DMD: variants seen among roughly 807,000 people sequenced by gnomAD.
The protein encoded by DMD is dystrophin.
A neutral mutation model predicts 330.1 loss-of-function variants in DMD; 63 were observed. The ratio of observed to expected loss-of-function variants is 0.19; its 90% CI spans 0.16 to 0.24. The LOEUF is 0.24. Ranked by LOEUF, DMD falls within the 10% of genes least tolerant of loss-of-function variation. DMD has a pLI of 1.00. For missense variants in DMD, 3,344 were observed against 2,684.1 expected (o/e 1.25, Z -5.43); for synonymous variants, 1,223 against 959.8 (o/e 1.27, Z -5.07).
At chrX:32,035,993 A>G (rs1388475435) in intron 44 of DMD, among the ~76,000 whole-genome samples, 1 of 111,880 alleles carries the variant, frequency 8.9e-6, no homozygotes, top group African/African-American at 3.2e-5. Context: ...ACTTAAGTCC[A>G]TCTGGGAAGG....
At chrX:32,562,002 G>A (rs994961220) in intron 16 of DMD, among the ~76,000 whole-genome samples, 11 of 111,584 alleles carry the variant, frequency 9.9e-5, no homozygotes, top group Admixed American at 2.9e-4. Flanking sequence ...GATGGAATTC[G>A]TCACTATCGT....
intron 11 of DMD, among the ~76,000 whole-genome samples, chrX:32,628,860 C>T (rs1189065436): frequency 9.0e-6 from 1 of 111,712 alleles, no homozygotes; most frequent in Non-Finnish European, 1.9e-5. Flanking sequence ...TTGATATATT[C>T]AGTTGTGATC....
At chrX:32,916,427 A>C (rs1331521647) in intron 2 of DMD, among the ~76,000 whole-genome samples, 1 of 112,061 alleles carries the variant, frequency 8.9e-6, no homozygotes, top group Non-Finnish European at 1.9e-5. Context: ...TCCAGAAAAG[A>C]ATGAAAATAT....
chrX:31,617,059 A>G (rs967302338), intron 55 of DMD, among the ~76,000 whole-genome samples: 2 of 112,130 alleles, frequency 1.8e-5, no homozygotes, highest in African/African-American at 3.2e-5. Context: ...GAAATGTCCT[A>G]CATACAGTAA....
intron 63 of DMD, among the ~76,000 whole-genome samples, chrX:31,230,559 T>C (rs1603038881): frequency 9.1e-6 from 1 of 109,447 alleles, no homozygotes; most frequent in Non-Finnish European, 1.9e-5. Context: ...TGAAGCAGGA[T>C]AATTGCTTGA....
At chrX:32,497,259 T>A (rs2043587516) in intron 19 of DMD, among the ~76,000 whole-genome samples, 1 of 112,477 alleles carries the variant, frequency 8.9e-6, no homozygotes, top group South Asian at 3.7e-4. Context: ...TTCTGTGCCA[T>A]TTAATTACAA....
chrX:32,363,810 G>C lies in DMD; in HGVS notation c.5154+772C>G, dbSNP rs1162714211. Reference sequence around the variant, plus strand: ...ATAATTTTTGAGTTTTCTTTAAATAGTAAACAACTAATCAATAAATTTATC... The same window carrying C: ...ATAATTTTTGAGTTTTCTTTAAATACTAAACAACTAATCAATAAATTTATC... On this transcript the variant is annotated intron_variant, in intron 36 of 78. Coordinates refer to ENST00000357033, the MANE Select transcript of DMD (RefSeq NM_004006.3). Among the ~76,000 whole-genome samples, 4 of 111,849 alleles carry C rather than the reference G, an allele frequency of 3.6e-5. No individual in the cohort carries two copies. The Admixed American group carries it at 3.8e-4, about 11-fold the overall frequency.
intron 34 of DMD, among the ~76,000 whole-genome samples, chrX:32,370,225 T>G (rs1024395681): frequency 2.7e-5 from 3 of 109,482 alleles, no homozygotes; most frequent in Non-Finnish European, 5.7e-5. Flanking sequence ...TAGTGTTTTT[T>G]TTTTTTTTTT....
At chrX:31,546,729 C>T (rs916009321) in intron 55 of DMD, among the ~76,000 whole-genome samples, 1 of 112,384 alleles carries the variant, frequency 8.9e-6, no homozygotes, top group Admixed American at 9.4e-5. Context: ...CATTATGCTT[C>T]TTGTCAGAGG....
intron 62 of DMD, among the ~76,000 whole-genome samples, chrX:31,300,438 C>T (rs149452514): frequency 5.7e-4 from 64 of 111,866 alleles, no homozygotes; most frequent in African/African-American, 1.9e-3. Flanking sequence ...TATCAAATTA[C>T]CTGTGTTATT....
chrX:32,887,797 C>CATTGG (rs2084813762), intron 2 of DMD, among the ~76,000 whole-genome samples: 2 of 72,841 alleles, frequency 2.7e-5, no homozygotes, highest in Admixed American at 3.5e-4. Context: ...AAGCTTATGA[C>CATTGG]ATTGGTCTGG....
intron 1 of DMD, among the ~76,000 whole-genome samples, chrX:33,072,147 G>A (rs908019170): frequency 1.8e-5 from 2 of 112,376 alleles, no homozygotes; most frequent in Non-Finnish European, 3.8e-5. Flanking sequence ...GCCCAGCGCG[G>A]TGGCTCACGC....
chrX:33,230,754 G>A (rs1391818505), intron 1 of DMD, among the ~76,000 whole-genome samples: 1 of 110,655 alleles, frequency 9.0e-6, no homozygotes, highest in Admixed American at 9.7e-5. Flanking sequence ...ATAGCTATTA[G>A]GTCTATGTGA....
chrX:33,048,586 G>A (rs1224211957), intron 1 of DMD, among the ~76,000 whole-genome samples: 2 of 106,740 alleles, frequency 1.9e-5, no homozygotes, highest in South Asian at 8.5e-4. Flanking sequence ...CTAGCTATTC[G>A]GGAGGCTGAG....
rs1402098832 is a variant in DMD at position 32,205,019 on chromosome X, A to ACACACACT, written c.6438+11896_6438+11897insAGTGTGTG. 1.1e-4 allele frequency among the ~76,000 whole-genome samples: 8 copies of ACACACACT among 74,500 alleles called. No homozygotes were observed. In the South Asian group the frequency reaches 2.2e-3, roughly 21 times the overall value. 64.7% of individuals were successfully genotyped at this position (74,500 alleles called of 115,157 possible). ...CTCTCTCTCTCTCACATACACACAC[A>ACACACACT]CACACACACACACACACACACACCC... On this transcript the variant is annotated intron_variant, in intron 44 of 78. Coordinates refer to ENST00000357033, the MANE Select transcript of DMD (RefSeq NM_004006.3).
chrX:32,821,348 G>T (rs2078225085), intron 5 of DMD, among the ~76,000 whole-genome samples: 1 of 110,942 alleles, frequency 9.0e-6, no homozygotes, highest in South Asian at 3.8e-4. Context: ...ACTTTGGGAG[G>T]CCGAGGCAGG....
At chrX:31,403,030 G>A (rs1461627912) in intron 60 of DMD, among the ~76,000 whole-genome samples, 1 of 111,370 alleles carries the variant, frequency 9.0e-6, no homozygotes, top group Non-Finnish European at 1.9e-5. Context: ...TAGTACAATT[G>A]GAAAAGAAAA....
chrX:32,800,600 C>T (rs186268865), intron 7 of DMD, among the ~76,000 whole-genome samples: 2 of 111,119 alleles, frequency 1.8e-5, no homozygotes, highest in Non-Finnish European at 3.8e-5. Flanking sequence ...GATACATGTG[C>T]AGAACGTGCA....
chrX:33,107,956 T>C (rs1199580269), intron 1 of DMD, among the ~76,000 whole-genome samples: 2 of 111,240 alleles, frequency 1.8e-5, no homozygotes, highest in Non-Finnish European at 3.8e-5. Context: ...TTTTAAAAAA[T>C]TGGTTTATAA....
Sources: gnomAD v4.1 joint callset for allele counts (sites outside exome capture counted in the v4.1 genomes callset) on GRCh38, gnomAD v4.1.1 for gene constraint, MANE v1.5 for transcripts, NCBI Gene and HGNC (gene_info 2026-07-23, HGNC 2026-07-21) for gene names.